C5: variants seen among roughly 807,000 people sequenced by gnomAD.
C5 encodes the protein complement C5, also known as C3 and PZP-like alpha-2-macroglobulin domain-containing protein 4.
Under a neutral mutation model 218.8 loss-of-function variants are expected in C5, and 140 were observed. The ratio of observed to expected loss-of-function variants is 0.64; its 90% confidence interval spans 0.56 to 0.74. The LOEUF (loss-of-function observed/expected upper bound fraction) is 0.74. Ranked by LOEUF, C5 falls within the 30% of genes least tolerant of loss-of-function variation. The pLI is 0.00. For synonymous variants in C5, 614 were observed against 682.3 expected (o/e 0.90, Z 1.56); for missense variants, 1,700 against 1,969.6 (o/e 0.86, Z 2.59).
At chr9:121,052,689 C>T (rs2047678713), upstream of C5, among the ~76,000 whole-genome samples, 1 of 152,038 alleles carries the variant, frequency 6.6e-6, no homozygotes, top group Admixed American at 6.6e-5. Context: ...CTGCTTAGTT[C>T]TCCAGCCTCA....
the C5 span, among the ~76,000 whole-genome samples, chr9:121,072,822 AAAAAAAAAAAGAAAAG>A: frequency 6.6e-6 from 1 of 151,454 alleles, no homozygotes; most frequent in Non-Finnish European, 1.5e-5. Flanking sequence ...TAAAAAAAAA[AAAAAAAAAAAGAAAAG>A]AAAAAAAATG....
upstream of C5, chr9:121,050,336 G>T: frequency 2.8e-6 from 3 of 1,073,836 alleles, no homozygotes; most frequent in Non-Finnish European, 4.3e-6. Context: ...AGATAATCTG[G>T]TTAATTATTA....
At chr9:121,068,191 T>G in the C5 span, among the ~76,000 whole-genome samples, 13 of 152,254 alleles carry the variant, frequency 8.5e-5, no homozygotes, top group African/African-American at 3.1e-4. Flanking sequence ...AGAGGTAAAA[T>G]TATTTCTATT....
At chr9:120,994,040 T>C (rs1341644548) in intron 22 of C5, among the ~76,000 whole-genome samples, 2 of 152,108 alleles carry the variant, frequency 1.3e-5, no homozygotes, top group African/African-American at 4.8e-5. Flanking sequence ...GAAAAGGGCT[T>C]ATCAGGGACA....
intron 25 of C5, among the ~76,000 whole-genome samples, chr9:120,986,620 C>G (rs1389047338): frequency 2.6e-5 from 4 of 152,110 alleles, no homozygotes; most frequent in Admixed American, 1.3e-4. Context: ...TTGTACCTTC[C>G]TGTGGGGCTT....
intron 22 of C5, among the ~76,000 whole-genome samples, chr9:120,991,908 G>T (rs2047079520): frequency 6.6e-6 from 1 of 152,188 alleles, no homozygotes; most frequent in African/African-American, 2.4e-5. Flanking sequence ...TCTATGTTAG[G>T]TCTATTTTCA....
At chr9:120,976,543 T>A (rs762033580) in intron 29 of C5, among the ~76,000 whole-genome samples, 157 bp downstream of exon 29, 1 of 152,226 alleles carries the variant, frequency 6.6e-6, no homozygotes, top group Admixed American at 6.5e-5. Flanking sequence ...AATAAGAGTG[T>A]TGACGCAGAT....
At chr9:121,018,411 TA>T (rs2047327878) in intron 12 of C5, among the ~76,000 whole-genome samples, 1 of 151,290 alleles carries the variant, frequency 6.6e-6, no homozygotes, top group African/African-American at 2.4e-5. Context: ...CTGGCTCTAC[TA>T]AAAATAAAAA....
intron 22 of C5, among the ~76,000 whole-genome samples, chr9:120,993,612 C>T (rs1361769618): frequency 2.6e-5 from 4 of 152,008 alleles, no homozygotes; most frequent in South Asian, 2.1e-4. Flanking sequence ...TTAGTAGAGA[C>T]GGGGTTTCAC....
chr9:121,017,228 T>A (rs1233991212), intron 14 of C5, 134 bp downstream of exon 14: 1 of 1,045,566 alleles, frequency 9.6e-7, no homozygotes, highest in East Asian at 2.5e-5. Context: ...AGGAGGATGG[T>A]TTACCTTCCT....
chr9:121,039,237 C>T (rs755663537), intron 3 of C5, among the ~76,000 whole-genome samples: 1 of 152,134 alleles, frequency 6.6e-6, no homozygotes, highest in African/African-American at 2.4e-5. Context: ...TCTGTTACTA[C>T]TATTTGGCTA....
chr9:121,066,968 T>C, the C5 span, among the ~76,000 whole-genome samples: 2 of 151,874 alleles, frequency 1.3e-5, no homozygotes, highest in South Asian at 2.1e-4. Context: ...AGTTTGGGTA[T>C]AAAATGAAAA....
At chr9:121,012,978 A>G (rs914478791) in intron 17 of C5, among the ~76,000 whole-genome samples, 1 of 152,206 alleles carries the variant, frequency 6.6e-6, no homozygotes, top group African/African-American at 2.4e-5. Flanking sequence ...CGCAGCACAC[A>G]TAAGTATAAA....
intron 8 of C5, chr9:121,025,828 C>A: frequency 2.6e-6 from 1 of 381,836 alleles, no homozygotes; most frequent in Non-Finnish European, 4.8e-6. Context: ...TTGGTAATAG[C>A]TGACAAACAC....
Position 120,980,070 on chromosome 9 carries a change from G to C in C5, c.3658+13C>G. On this transcript the variant is annotated intron_variant, in intron 28 of 40. Coordinates refer to ENST00000223642, the MANE Select transcript of C5 (RefSeq NM_001735.3). ...TGAACACTCACTGAATACATGTATG[G>C]AACAAGTTATACCTTTAACCAAAGC... 1.2e-6 allele frequency: 2 copies of C among 1,612,988 alleles called. No homozygotes were observed. Among genetic ancestry groups the C allele is most frequent in the Non-Finnish European group, 1.7e-6 (2 of 1,179,024 alleles).
At chr9:121,002,261 T>C (rs1384679374) in intron 20 of C5, among the ~76,000 whole-genome samples, 4 of 102,228 alleles carry the variant, frequency 3.9e-5, no homozygotes, top group African/African-American at 9.7e-5. Context: ...TATGTATATA[T>C]GTATATATAT....
At chr9:120,971,456 G>T (rs1401815262) in intron 31 of C5, among the ~76,000 whole-genome samples, 3 of 151,966 alleles carry the variant, frequency 2.0e-5, no homozygotes, top group African/African-American at 7.2e-5. Flanking sequence ...TTTTGTGTGT[G>T]TGAGACGGAG....
At chr9:121,048,857 GCT>G (rs899717639) in intron 1 of C5, among the ~76,000 whole-genome samples, 2 of 152,032 alleles carry the variant, frequency 1.3e-5, no homozygotes, top group Non-Finnish European at 2.9e-5. Flanking sequence ...CTTCCTTCAG[GCT>G]CTGTTTGAGT....
intron 31 of C5, among the ~76,000 whole-genome samples, chr9:120,971,194 A>G (rs552763732): frequency 6.1e-4 from 92 of 151,328 alleles, no homozygotes; most frequent in Middle Eastern, 3.4e-3. Flanking sequence ...AAAAAGAAAA[A>G]AAATTGCAAC....
Sources: gnomAD v4.1 joint callset for allele counts (sites outside exome capture counted in the v4.1 genomes callset) on GRCh38, gnomAD v4.1.1 for gene constraint, MANE v1.5 for transcripts, NCBI Gene and HGNC (gene_info 2026-07-23, HGNC 2026-07-21) for gene names.